The following CHSY1 variants were observed in gnomAD, a reference collection of about 807,000 sequenced individuals.
CHSY1 encodes the protein N-acetylgalactosaminyl-proteoglycan 3-beta-glucuronosyltransferase 1.
A neutral mutation model predicts 59.8 loss-of-function variants in CHSY1; 13 were observed. The observed-to-expected ratio is 0.22, with a 90% confidence interval of 0.14 to 0.35. The LOEUF is 0.35. CHSY1 is among the 10% of genes least tolerant of loss of function. The pLI, the probability that CHSY1 is intolerant of heterozygous loss-of-function variation, is 1.00. For synonymous variants in CHSY1, 459 were observed against 401.2 expected, an observed-to-expected ratio of 1.14 and a Z score of -1.72; for missense variants, 947 against 1,030.6, an observed-to-expected ratio of 0.92 and a Z score of 1.11.
At chr15:101,217,329 C>A (rs2038744127) in intron 2 of CHSY1, among the ~76,000 whole-genome samples, 1 of 152,126 alleles carries the variant, frequency 6.6e-6, no homozygotes. Context: ...ACATACAGAT[C>A]GTCACATACA....
At chr15:101,196,418 C>A (rs369645718) in intron 2 of CHSY1, among the ~76,000 whole-genome samples, 1 of 152,022 alleles carries the variant, frequency 6.6e-6, no homozygotes. Context: ...GGAAGGTTTA[C>A]GGCATAACCC....
rs181932161 is a variant in CHSY1 at position 101,232,678 on chromosome 15, T to C, written c.816+2404A>G. ...TTGCGTACAATAAAAATCCCACAAT[T>C]AAGGTGAAAAGTTAAGTCACAGTCT... On this transcript the variant is annotated intron_variant, in intron 2 of 2. Coordinates refer to ENST00000254190, the MANE Select transcript of CHSY1 (RefSeq NM_014918.5). 3.7e-4 allele frequency among the ~76,000 whole-genome samples: 57 copies of C among 152,248 alleles called. 1 individual carries two copies. Among genetic ancestry groups the C allele is most frequent in the Middle Eastern group, 3.4e-3 (1 of 294 alleles).
chr15:101,218,032 C>T (rs748445830), intron 2 of CHSY1, among the ~76,000 whole-genome samples: 40 of 152,200 alleles, frequency 2.6e-4, no homozygotes, highest in Non-Finnish European at 5.0e-4. Context: ...GGCATTTTAT[C>T]TCTACAGTCT....
At chr15:101,221,208 A>C (rs1297706588) in intron 2 of CHSY1, among the ~76,000 whole-genome samples, 1 of 152,202 alleles carries the variant, frequency 6.6e-6, no homozygotes, top group East Asian at 1.9e-4. Context: ...AATATATATT[A>C]ACAGGCCGGG....
At chr15:101,246,732 G>A (rs965215902) in intron 1 of CHSY1, among the ~76,000 whole-genome samples, 2 of 152,298 alleles carry the variant, frequency 1.3e-5, no homozygotes, top group South Asian at 4.1e-4. Context: ...CTAGAATTAG[G>A]AAGGAAACGT....
At position 101,251,146 on chromosome 15, in the gene CHSY1, G is replaced by A. The variant is rs772801616; in HGVS notation, c.311C>T (p.Ala104Val). ...AQKYLQTRAV[A>V]AYRTWSKTIP... ...GGGAGCAGGGGCTCACCTGTAGGCG[G>A]CCACGGCCCGAGTCTGCAGGTATTT... Residue 104 changes from alanine to valine, a missense_variant, in exon 1 of 3, where the codon GCC becomes GTC. Ala to Val is a moderately conservative substitution (Grantham distance 64). Transcript: ENST00000254190. 59 of 1,587,898 alleles carry A rather than the reference G, an allele frequency of 3.7e-5. No homozygotes were observed. The highest frequency in any genetic ancestry group is 4.8e-5 in the Non-Finnish European group (56 of 1,171,466).
intron 2 of CHSY1, among the ~76,000 whole-genome samples, chr15:101,182,713 G>A (rs1009447341): frequency 1.3e-5 from 2 of 152,166 alleles, no homozygotes; most frequent in African/African-American, 4.8e-5. Context: ...CAATTGAACA[G>A]TACCATAGAT....
chr15:101,176,794 TCAAAAAAAGAA>T lies in CHSY1; in HGVS notation c.*583_*593del, dbSNP rs1366389558. The T allele has an allele frequency of 5.6e-6, 1 of 177,188 alleles. No homozygotes were observed. The highest frequency in any genetic ancestry group is 1.2e-5 in the Non-Finnish European group (1 of 85,586). 11.0% of individuals were successfully genotyped at this position (177,188 alleles called of 1,614,324 possible). On this transcript the variant is annotated 3_prime_UTR_variant, in exon 3 of 3. Transcript: ENST00000254190. ...CTGGGTAACAGAGTGAGACTCCGTC[TCAAAAAAAGAA>T]CAAAACAAAACAAACAAAAAACCTA...
chr15:101,251,000 C>G (rs1046733660), intron 1 of CHSY1, 137 bp downstream of exon 1: 5 of 822,080 alleles, frequency 6.1e-6, no homozygotes, highest in Non-Finnish European at 9.6e-6. Flanking sequence ...CGGCGTCTCC[C>G]GAGAGGCAAC....
intron 1 of CHSY1, among the ~76,000 whole-genome samples, chr15:101,239,290 G>C (rs981467136): frequency 1.3e-5 from 2 of 152,206 alleles, no homozygotes; most frequent in African/African-American, 4.8e-5. Context: ...CTTGTACTTT[G>C]AGAAATTTTC....
intron 2 of CHSY1, among the ~76,000 whole-genome samples, chr15:101,217,448 T>G (rs2038745870): frequency 6.6e-6 from 1 of 152,214 alleles, no homozygotes; most frequent in Admixed American, 6.5e-5. Context: ...GCAACAAGCA[T>G]ACCTAGCACC....
chr15:101,203,216 G>A (rs1341654066), intron 2 of CHSY1, among the ~76,000 whole-genome samples: 1 of 152,180 alleles, frequency 6.6e-6, no homozygotes, highest in Admixed American at 6.5e-5. Flanking sequence ...GGCAGCGTGG[G>A]CGCCCACAGC....
intron 1 of CHSY1, among the ~76,000 whole-genome samples, chr15:101,244,559 T>C (rs992946495): frequency 2.6e-5 from 4 of 152,118 alleles, no homozygotes; most frequent in African/African-American, 9.7e-5. Flanking sequence ...CTGCTTACTG[T>C]AGAAAAACCA....
chr15:101,193,270 G>C (rs2038468036), intron 2 of CHSY1, among the ~76,000 whole-genome samples: 1 of 152,230 alleles, frequency 6.6e-6, no homozygotes, highest in Non-Finnish European at 1.5e-5. Flanking sequence ...GAACCACGAA[G>C]CTGGGGAGAC....
In CHSY1 at chr15:101,178,251, G is replaced by C. The variant is rs780229575; in HGVS notation, c.1546C>G (p.Pro516Ala). The change falls in exon 3 of 3, where the codon CCC becomes GCC. Residue 516 changes from proline to alanine, a missense_variant. Pro to Ala is a conservative substitution (Grantham distance 27). Transcript: ENST00000254190. Reference sequence around the variant, plus strand: ...CTCTTCGACCCAGGGAGCTGAAAGGGGACGAGCTTCTTCAGGGAGTTTGAG... The same window carrying C: ...CTCTTCGACCCAGGGAGCTGAAAGGCGACGAGCTTCTTCAGGGAGTTTGAG... ...FLSNSLKKLV[P>A]FQLPGSKSEH... 2.5e-6 allele frequency: 4 copies of C among 1,613,980 alleles called. No individual in the cohort carries two copies. Among genetic ancestry groups the C allele is most frequent in the Non-Finnish European group, 3.4e-6 (4 of 1,179,866 alleles).
chr15:101,208,139 T>A (rs932663689), intron 2 of CHSY1, among the ~76,000 whole-genome samples: 1 of 152,106 alleles, frequency 6.6e-6, no homozygotes, highest in African/African-American at 2.4e-5. Context: ...CCCTTTGGGG[T>A]TGAAATGGGA....
chr15:101,201,784 C>G (rs988364478), intron 2 of CHSY1, among the ~76,000 whole-genome samples: 1 of 152,172 alleles, frequency 6.6e-6, no homozygotes, highest in African/African-American at 2.4e-5. Flanking sequence ...GAGAGATCAG[C>G]CTAACCAGAT....
chr15:101,190,333 A>G (rs2038427615), intron 2 of CHSY1, among the ~76,000 whole-genome samples: 1 of 152,230 alleles, frequency 6.6e-6, no homozygotes, highest in Admixed American at 6.5e-5. Flanking sequence ...GGGAAGCAAT[A>G]TGAACAGTTT....
intron 2 of CHSY1, among the ~76,000 whole-genome samples, chr15:101,193,309 A>G (rs183942278): frequency 6.6e-6 from 1 of 152,346 alleles, no homozygotes; most frequent in East Asian, 1.9e-4. Context: ...GCAGCATCAT[A>G]TCCTTGGGTC....
Sources: allele counts gnomAD v4.1 joint callset (sites outside exome capture counted in the v4.1 genomes callset), GRCh38; gene constraint gnomAD v4.1.1; transcripts MANE v1.5; gene names NCBI Gene and HGNC (gene_info 2026-07-23, HGNC 2026-07-21).